MMP26: variants seen among roughly 807,000 people sequenced by gnomAD.
MMP26 encodes matrix metalloproteinase-26.
Under a neutral mutation model 31.0 loss-of-function variants are expected in MMP26, and 33 were observed. The observed-to-expected ratio is 1.06, with a 90% CI of 0.81 to 1.42. The LOEUF is 1.42. MMP26 is among the 40% of genes most tolerant of loss of function. The probability of loss-of-function intolerance (pLI) is 0.00; values close to 1 mark genes in which losing one functional copy is unlikely to be tolerated. For synonymous variants in MMP26, 122 were observed against 114.9 expected, an observed-to-expected ratio of 1.06 and a Z score of -0.40; for missense variants, 347 against 316.1, an observed-to-expected ratio of 1.10 and a Z score of -0.74.
intron 2 of MMP26, among the ~76,000 whole-genome samples, chr11:4,940,326 A>G (rs564351432): frequency 1.3e-5 from 2 of 152,258 alleles, no homozygotes; most frequent in East Asian, 3.9e-4. Flanking sequence ...ACTGCCCACC[A>G]AAGTGTACAC....
At chr11:4,788,959 C>T (rs748920788) in intron 2 of MMP26, among the ~76,000 whole-genome samples, 31 of 152,220 alleles carry the variant, frequency 2.0e-4, no homozygotes, top group South Asian at 6.2e-4. Context: ...TATTACCTAA[C>T]GCATGAGTTC....
In MMP26 at chr11:4,848,840, C is replaced by A. The variant is rs115775855; in HGVS notation, c.-145+81499C>A. Reference sequence around the variant, plus strand: ...GTGCCCGATCAATGGACATGGCGAGCAAGACAGAGGACTCCATGACAGAAA... The same window carrying A: ...GTGCCCGATCAATGGACATGGCGAGAAAGACAGAGGACTCCATGACAGAAA... On this transcript the variant is annotated intron_variant, in intron 2 of 7. Transcript: ENST00000380390. 7.4e-4 allele frequency: 1,197 copies of A among 1,614,122 alleles called. 4 individuals carry two copies. In the African/African-American group the frequency reaches 0.012, roughly 17 times the overall value.
At chr11:4,842,791 C>T (rs914091139) in intron 2 of MMP26, among the ~76,000 whole-genome samples, 18 of 152,098 alleles carry the variant, frequency 1.2e-4, no homozygotes, top group Non-Finnish European at 2.4e-4. Context: ...CTCAAATCTC[C>T]AAGTCCAAAG....
chr11:4,827,555 G>C (rs2133477505), intron 2 of MMP26, among the ~76,000 whole-genome samples: 1 of 152,080 alleles, frequency 6.6e-6, no homozygotes, highest in Middle Eastern at 3.4e-3. Flanking sequence ...AGGCTGCTGA[G>C]AGAAAAATGC....
At chr11:4,771,392 G>A (rs1848717780) in intron 2 of MMP26, among the ~76,000 whole-genome samples, 1 of 151,896 alleles carries the variant, frequency 6.6e-6, no homozygotes, top group Admixed American at 6.5e-5. Flanking sequence ...TCTCTGTGAA[G>A]TATTTGGGGG....
chr11:4,915,374 A>G, intron 2 of MMP26: 2 of 1,614,068 alleles, frequency 1.2e-6, no homozygotes, highest in Non-Finnish European at 1.7e-6. Context: ...ATCATGGCTA[A>G]TTTCTCGTGC....
chr11:4,857,992 A>G (rs1453855892), intron 2 of MMP26, among the ~76,000 whole-genome samples: 3 of 152,212 alleles, frequency 2.0e-5, no homozygotes, highest in Non-Finnish European at 4.4e-5. Context: ...TTATCTCAAT[A>G]GATGCAGAAA....
intron 1 of MMP26, among the ~76,000 whole-genome samples, chr11:4,714,989 C>G (rs1042972861): frequency 6.6e-6 from 1 of 151,588 alleles, no homozygotes; most frequent in Non-Finnish European, 1.5e-5. Context: ...CTGGAGAGCT[C>G]TGTGCGATTC....
intron 2 of MMP26, among the ~76,000 whole-genome samples, chr11:4,865,704 C>T (rs940021014): frequency 2.6e-5 from 4 of 151,976 alleles, no homozygotes; most frequent in Non-Finnish European, 5.9e-5. Flanking sequence ...GTTGACAAAC[C>T]AGCAGTTGTG....
At chr11:4,860,730 G>GA in intron 2 of MMP26, 3 of 298,078 alleles carry the variant, frequency 1.0e-5, no homozygotes, top group Admixed American at 4.8e-5. Flanking sequence ...GTAACACTGT[G>GA]TCTTTTTCCT....
chr11:4,900,644 C>G (rs1564803139), intron 2 of MMP26, among the ~76,000 whole-genome samples: 1 of 152,116 alleles, frequency 6.6e-6, no homozygotes, highest in Admixed American at 6.6e-5. Flanking sequence ...AGCTTAGGTT[C>G]TTTTCCATTA....
intron 2 of MMP26, among the ~76,000 whole-genome samples, chr11:4,979,839 C>T (rs1846788428): frequency 6.6e-6 from 1 of 152,064 alleles, no homozygotes; most frequent in Non-Finnish European, 1.5e-5. Context: ...TACTTTTATT[C>T]TATCCCACGC....
At chr11:4,885,595 T>C (rs1427144709) in intron 2 of MMP26, among the ~76,000 whole-genome samples, 1 of 152,118 alleles carries the variant, frequency 6.6e-6, no homozygotes, top group Non-Finnish European at 1.5e-5. Context: ...TTTGTGTAAA[T>C]ACGCTATATG....
chr11:4,768,007 C>T (rs1270277179), intron 2 of MMP26, among the ~76,000 whole-genome samples: 1 of 152,174 alleles, frequency 6.6e-6, no homozygotes, highest in East Asian at 1.9e-4. Context: ...TAGGCAAGAA[C>T]TATGAATTCT....
chr11:4,874,416 T>C (rs1191988741), intron 2 of MMP26, among the ~76,000 whole-genome samples: 1 of 152,070 alleles, frequency 6.6e-6, no homozygotes, highest in Admixed American at 6.6e-5. Context: ...CTTTGCTCCT[T>C]TCTATGACCA....
chr11:4,730,404 A>AAGAGACAGAGAGAGAGAG (rs141091963), intron 1 of MMP26, among the ~76,000 whole-genome samples: 19 of 144,952 alleles, frequency 1.3e-4, no homozygotes, highest in African/African-American at 4.7e-4. Flanking sequence ...GTTTCTGGGA[A>AAGAGACAGAGAGAGAGAG]AGAGAGAGAG....
At chr11:4,871,236 C>G (rs1850306240) in intron 2 of MMP26, among the ~76,000 whole-genome samples, 1 of 151,990 alleles carries the variant, frequency 6.6e-6, no homozygotes, top group Non-Finnish European at 1.5e-5. Flanking sequence ...AAAGAACATT[C>G]ACTGAAGTGA....
chr11:4,885,850 C>T (rs1198034047), intron 2 of MMP26, among the ~76,000 whole-genome samples: 1 of 152,056 alleles, frequency 6.6e-6, no homozygotes, highest in South Asian at 2.1e-4. Flanking sequence ...CTTTCATTAT[C>T]CATCAAAATA....
intron 2 of MMP26, among the ~76,000 whole-genome samples, chr11:4,785,153 C>T (rs1180309422): frequency 2.6e-5 from 4 of 152,176 alleles, no homozygotes; most frequent in African/African-American, 9.7e-5. Flanking sequence ...AACCAACCAT[C>T]CCAGTTTGCC....
Sources: allele counts gnomAD v4.1 joint callset (sites outside exome capture counted in the v4.1 genomes callset), GRCh38; gene constraint gnomAD v4.1.1; transcripts MANE v1.5; gene names NCBI Gene and HGNC (gene_info 2026-07-23, HGNC 2026-07-21).